The following BLTP1 variants were observed in gnomAD, a reference collection of about 807,000 sequenced individuals.
BLTP1 encodes bridge-like lipid transfer protein family member 1.
chr4:122,270,431 A>T, the BLTP1 span: 2 of 797,060 alleles, frequency 2.5e-6, no homozygotes, highest in Non-Finnish European at 3.0e-6. Flanking sequence ...GACTTTCTAT[A>T]TTAAAATTTA....
chr4:122,251,396 C>A, the BLTP1 span: 1 of 893,764 alleles, frequency 1.1e-6, no homozygotes, highest in Non-Finnish European at 1.3e-6. Flanking sequence ...ATCTAGTAAT[C>A]ATGGGTATAC....
At chr4:122,271,960 T>A in the BLTP1 span, 1 of 291,348 alleles carries the variant, frequency 3.4e-6, no homozygotes, top group Admixed American at 6.5e-5. Flanking sequence ...CAGACCTGAT[T>A]TAAAATATCT....
At chr4:122,220,538 T>C in the BLTP1 span, 1 of 1,310,838 alleles carries the variant, frequency 7.6e-7, no homozygotes, top group Non-Finnish European at 1.1e-6. Context: ...GTTAAAACAA[T>C]GTATTAGCTT....
chr4:122,244,083 T>C, the BLTP1 span: 3 of 1,486,718 alleles, frequency 2.0e-6, no homozygotes, highest in Non-Finnish European at 2.7e-6. Flanking sequence ...TACTCTGTGA[T>C]ATGATAAGTA....
chr4:122,332,471 G>A, the BLTP1 span, among the ~76,000 whole-genome samples: 1 of 151,864 alleles, frequency 6.6e-6, no homozygotes, highest in Non-Finnish European at 1.5e-5. Context: ...CCTTAGGAAA[G>A]AATAAAGGTA....
chr4:122,224,446 T>C, the BLTP1 span: 14 of 1,554,766 alleles, frequency 9.0e-6, no homozygotes, highest in South Asian at 1.7e-4. Context: ...CAACTAGAAA[T>C]TATAATGTGA....
chr4:122,288,995 T>G, the BLTP1 span: 1 of 1,325,206 alleles, frequency 7.5e-7, no homozygotes, highest in Non-Finnish European at 1.0e-6. Context: ...GAGATAATTA[T>G]CTCTTTTTTC....
chr4:122,213,877 A>G, the BLTP1 span, among the ~76,000 whole-genome samples: 3 of 152,122 alleles, frequency 2.0e-5, no homozygotes, highest in Non-Finnish European at 4.4e-5. Context: ...TGCTACTTAT[A>G]TTACTTTTCT....
the BLTP1 span, chr4:122,188,913 A>G: frequency 2.0e-6 from 2 of 984,522 alleles, no homozygotes; most frequent in South Asian, 9.4e-5. Flanking sequence ...TCGATTTTCC[A>G]GGATTTGGCT....
At chr4:122,357,306 T>C in the BLTP1 span, among the ~76,000 whole-genome samples, 1 of 152,152 alleles carries the variant, frequency 6.6e-6, no homozygotes, top group Non-Finnish European at 1.5e-5. Flanking sequence ...CTCATGTCTG[T>C]AATACCAGCA....
At chr4:122,295,430 C>T in the BLTP1 span, among the ~76,000 whole-genome samples, 1 of 152,158 alleles carries the variant, frequency 6.6e-6, no homozygotes, top group East Asian at 1.9e-4. Flanking sequence ...GGAAACCCTA[C>T]AAGCCAGAAA....
At chr4:122,197,587 G>A in the BLTP1 span, 1,536 of 340,514 alleles carry the variant, frequency 4.5e-3, 6 homozygotes, top group Middle Eastern at 0.013. Context: ...AGCAGGTGCT[G>A]TTTTTTTTCT....
At chr4:122,322,383 A>G in the BLTP1 span, among the ~76,000 whole-genome samples, 1 of 151,950 alleles carries the variant, frequency 6.6e-6, no homozygotes, top group Non-Finnish European at 1.5e-5. Context: ...TCTGGTTCTT[A>G]GAATTGTCAT....
chr4:122,154,722 A>C, the BLTP1 span, among the ~76,000 whole-genome samples: 1 of 152,014 alleles, frequency 6.6e-6, no homozygotes, highest in South Asian at 2.1e-4. Flanking sequence ...AAATACAAAA[A>C]TTTAGCGGAC....
chr4:122,269,990 T>G, the BLTP1 span, among the ~76,000 whole-genome samples: 1 of 152,124 alleles, frequency 6.6e-6, no homozygotes, highest in Non-Finnish European at 1.5e-5. Context: ...CTTACTACCC[T>G]TACATGTTTT....
At chr4:122,222,412 A>G in the BLTP1 span, among the ~76,000 whole-genome samples, 2 of 152,160 alleles carry the variant, frequency 1.3e-5, no homozygotes, top group Non-Finnish European at 2.9e-5. Context: ...TTATGACACT[A>G]TGCACTTTTT....
the BLTP1 span, among the ~76,000 whole-genome samples, chr4:122,324,963 T>C: frequency 6.6e-6 from 1 of 152,084 alleles, no homozygotes; most frequent in East Asian, 1.9e-4. Context: ...TACATTTTAT[T>C]GAAGTGAATA....
the BLTP1 span, chr4:122,220,495 G>A: frequency 6.4e-7 from 1 of 1,555,732 alleles, no homozygotes; most frequent in Non-Finnish European, 8.8e-7. Context: ...AAATATGGTG[G>A]AGACATAGAG....
chr4:122,333,532 C>T, the BLTP1 span: 3 of 1,249,948 alleles, frequency 2.4e-6, no homozygotes, highest in South Asian at 3.3e-5. Context: ...TGGATATTAG[C>T]CCTTTGTCAG....
Sources: allele counts gnomAD v4.1 joint callset (sites outside exome capture counted in the v4.1 genomes callset), GRCh38; gene constraint gnomAD v4.1.1; transcripts MANE v1.5; gene names NCBI Gene and HGNC (gene_info 2026-07-23, HGNC 2026-07-21).